The following PRR16 variants were observed in gnomAD, a reference collection of about 807,000 sequenced individuals.
The protein encoded by PRR16 is protein Largen.
Under a neutral mutation model 18.2 loss-of-function variants are expected in PRR16, and 6 were observed. The observed-to-expected ratio is 0.33, with a 90% CI of 0.18 to 0.65. PRR16 has a LOEUF of 0.65. Among genes scored for constraint, PRR16 ranks in the 30% least tolerant of loss-of-function variants. The probability of loss-of-function intolerance (pLI) is 0.74; values close to 1 mark genes in which losing one functional copy is unlikely to be tolerated. For missense variants in PRR16, 412 were observed against 376.6 expected (o/e 1.09, Z -0.78); for synonymous variants, 151 against 147.8 (o/e 1.02, Z -0.16).
intron 1 of PRR16, among the ~76,000 whole-genome samples, chr5:120,480,023 C>A (rs1749558965): frequency 6.6e-6 from 1 of 152,036 alleles, no homozygotes; most frequent in Admixed American, 6.6e-5. Context: ...AGACATACAC[C>A]CTGTAACATT....
At chr5:120,792,386 T>G in the PRR16 span, among the ~76,000 whole-genome samples, 1 of 152,230 alleles carries the variant, frequency 6.6e-6, no homozygotes, top group South Asian at 2.1e-4. Flanking sequence ...GTTTTGATTA[T>G]ATTTACTTTC....
At chr5:120,715,592 AT>A in the PRR16 span, among the ~76,000 whole-genome samples, 2 of 152,192 alleles carry the variant, frequency 1.3e-5, no homozygotes, top group African/African-American at 4.8e-5. Flanking sequence ...TCACTTCTGA[AT>A]TTCATTTCAT....
intron 1 of PRR16, among the ~76,000 whole-genome samples, chr5:120,551,881 A>G (rs1357991851): frequency 1.3e-5 from 2 of 151,992 alleles, no homozygotes; most frequent in African/African-American, 4.8e-5. Context: ...CATTTAATAA[A>G]TAGCCACTAT....
intron 1 of PRR16, among the ~76,000 whole-genome samples, chr5:120,621,778 C>T (rs757873834): frequency 6.6e-6 from 1 of 152,154 alleles, no homozygotes; most frequent in Non-Finnish European, 1.5e-5. Flanking sequence ...CCCTGGCCTT[C>T]ACCATGATTG....
At chr5:120,754,227 A>AT in the PRR16 span, among the ~76,000 whole-genome samples, 80 of 58,242 alleles carry the variant, frequency 1.4e-3, 1 homozygote, top group Non-Finnish European at 2.0e-3. Context: ...ATAATATATA[A>AT]TATAATATAT....
At chr5:120,769,090 A>T in the PRR16 span, among the ~76,000 whole-genome samples, 4 of 149,326 alleles carry the variant, frequency 2.7e-5, no homozygotes, top group African/African-American at 7.3e-5. Context: ...TCATGCCTTT[A>T]TTTTTTTTTT....
At chr5:120,730,172 A>G in the PRR16 span, among the ~76,000 whole-genome samples, 1 of 152,158 alleles carries the variant, frequency 6.6e-6, no homozygotes, top group African/African-American at 2.4e-5. Context: ...TAGCAGTGAC[A>G]ATGGAGTATT....
chr5:120,503,851 C>T (rs959010417), intron 1 of PRR16, among the ~76,000 whole-genome samples: 112 of 150,190 alleles, frequency 7.5e-4, no homozygotes, highest in African/African-American at 2.6e-3. Context: ...CATGTGTTCT[C>T]GTTGTTCAAT....
At chr5:120,778,364 T>TG in the PRR16 span, among the ~76,000 whole-genome samples, 4 of 152,202 alleles carry the variant, frequency 2.6e-5, no homozygotes, top group African/African-American at 9.6e-5. Context: ...CTATTGTAGT[T>TG]GGAGCAAGAC....
intron 1 of PRR16, among the ~76,000 whole-genome samples, chr5:120,564,392 C>T (rs1752670312): frequency 6.6e-6 from 1 of 152,102 alleles, no homozygotes; most frequent in Admixed American, 6.5e-5. Context: ...AACACTCTGG[C>T]CTGTAGTGGC....
At chr5:120,710,948 T>TC in the PRR16 span, 1 of 151,372 alleles carries the variant, frequency 6.6e-6, no homozygotes, top group East Asian at 1.9e-4. Flanking sequence ...CACTCTTTTT[T>TC]TTTTCCCCCC....
chr5:120,692,192 G>C (rs1241438626), downstream of PRR16, among the ~76,000 whole-genome samples: 1 of 152,156 alleles, frequency 6.6e-6, no homozygotes, highest in African/African-American at 2.4e-5. Context: ...GAAGGCTGTT[G>C]GGAGATATAA....
chr5:120,530,625 C>G (rs976275379), intron 1 of PRR16, among the ~76,000 whole-genome samples: 2 of 151,916 alleles, frequency 1.3e-5, no homozygotes, highest in African/African-American at 2.4e-5. Flanking sequence ...TCTAGGATAA[C>G]TTGATGGTCA....
At chr5:120,561,440 T>G (rs1469770428) in intron 1 of PRR16, among the ~76,000 whole-genome samples, 1 of 152,162 alleles carries the variant, frequency 6.6e-6, no homozygotes, top group Non-Finnish European at 1.5e-5. Flanking sequence ...TTAATCTTTT[T>G]AATGATTTCC....
the PRR16 span, among the ~76,000 whole-genome samples, chr5:120,705,305 T>C: frequency 2.0e-5 from 3 of 152,114 alleles, no homozygotes; most frequent in Non-Finnish European, 4.4e-5. Flanking sequence ...TCCAATAAAA[T>C]ATCCCAACAT....
chr5:120,617,048 C>G, intron 1 of PRR16: 1 of 924,314 alleles, frequency 1.1e-6, no homozygotes, highest in Non-Finnish European at 1.3e-6. Context: ...TTTGGAAAGT[C>G]TAAAGTAAAT....
intron 1 of PRR16, among the ~76,000 whole-genome samples, chr5:120,482,840 G>A (rs899341534): frequency 6.6e-6 from 1 of 152,096 alleles, no homozygotes; most frequent in Non-Finnish European, 1.5e-5. Flanking sequence ...ATGTAATGAC[G>A]ATCTGCGAAC....
At chr5:120,775,726 G>C in the PRR16 span, among the ~76,000 whole-genome samples, 1 of 148,780 alleles carries the variant, frequency 6.7e-6, no homozygotes, top group Admixed American at 6.7e-5. Context: ...CACCTCTCAG[G>C]CTCAAGCGAT....
intron 1 of PRR16, among the ~76,000 whole-genome samples, chr5:120,571,456 A>G (rs1396319895): frequency 6.6e-6 from 1 of 152,146 alleles, no homozygotes; most frequent in Non-Finnish European, 1.5e-5. Context: ...ACATTAGAGG[A>G]GGTTCAGATC....
Sources: allele counts gnomAD v4.1 joint callset (sites outside exome capture counted in the v4.1 genomes callset), GRCh38; gene constraint gnomAD v4.1.1; transcripts MANE v1.5; gene names NCBI Gene and HGNC (gene_info 2026-07-23, HGNC 2026-07-21).